CSF2RA: variants seen among roughly 807,000 people sequenced by gnomAD.
CSF2RA encodes granulocyte-macrophage colony-stimulating factor receptor subunit alpha.
A neutral mutation model predicts 51.6 loss-of-function variants in CSF2RA; 42 were observed. The ratio of observed to expected loss-of-function variants is 0.81; its 90% confidence interval spans 0.64 to 1.05. The LOEUF (loss-of-function observed/expected upper bound fraction) is 1.05. CSF2RA is among the 50% of genes least tolerant of loss of function. CSF2RA has a pLI of 0.00. For missense variants in CSF2RA, 530 were observed against 501.1 expected, an observed-to-expected ratio of 1.06 and a Z score of -0.55; for synonymous variants, 222 against 193.0, an observed-to-expected ratio of 1.15 and a Z score of -1.24.
At chrX:1,308,777 G>C (rs1392229774) in intron 12 of CSF2RA, among the ~76,000 whole-genome samples, 1 of 152,058 alleles carries the variant, frequency 6.6e-6, no homozygotes, top group Admixed American at 6.6e-5. Flanking sequence ...ACGGCTTCAG[G>C]CTTCAACCTT....
At position 1,282,671 on chromosome X, in the gene CSF2RA, C is replaced by T. The variant is rs374740585; in HGVS notation, c.-26-7C>T. 1.5e-5 allele frequency: 24 copies of T among 1,587,962 alleles called. No homozygotes were observed. The African/African-American group carries it at 2.8e-4, about 19-fold the overall frequency. Reference sequence around the variant, plus strand: ...CTTCTCACTGTGTGATATTTTCTCTCCTGCAGCTCTTCCCTTCTCTCTGAC... The same window carrying T: ...CTTCTCACTGTGTGATATTTTCTCTTCTGCAGCTCTTCCCTTCTCTCTGAC... On this transcript the variant is annotated splice_region_variant and splice_polypyrimidine_tract_variant and intron_variant, in intron 2 of 12. Transcript: ENST00000381529.
the CSF2RA span, among the ~76,000 whole-genome samples, chrX:1,319,742 T>C: frequency 2.1e-5 from 3 of 140,690 alleles, no homozygotes; most frequent in Non-Finnish European, 3.1e-5. Context: ...TTAGACAGAG[T>C]CTCACTCTGT....
chrX:1,306,608 T>C (rs1252333201), intron 12 of CSF2RA, among the ~76,000 whole-genome samples: 4 of 151,366 alleles, frequency 2.6e-5, no homozygotes, highest in African/African-American at 4.9e-5. Flanking sequence ...GATCGCACCA[T>C]TGCACTCTAA....
intron 12 of CSF2RA, among the ~76,000 whole-genome samples, chrX:1,306,975 C>T (rs762471643): frequency 2.0e-5 from 3 of 151,420 alleles, no homozygotes; most frequent in East Asian, 3.9e-4. Flanking sequence ...ACAGAGACAC[C>T]GAGAGAGACA....
downstream of CSF2RA, chrX:1,310,169 AAACT>A (rs1217610507): frequency 2.4e-5 from 5 of 209,860 alleles, no homozygotes; most frequent in South Asian, 6.3e-4. Context: ...CCTGGGTAAC[AAACT>A]AAGACCCCAT....
intron 9 of CSF2RA, 65 bp from the exon 10 acceptor site, chrX:1,300,426 A>G: frequency 1.3e-6 from 2 of 1,582,880 alleles, no homozygotes; most frequent in Non-Finnish European, 1.7e-6. Flanking sequence ...CAAAAGAACG[A>G]AAAAAGGCAA....
rs777223758 is a variant in CSF2RA, at chrX:1,292,944, CTCTCGGGCAG to C, written c.647-1383_647-1374del. 3.0e-4 allele frequency among the ~76,000 whole-genome samples: 45 copies of C among 152,276 alleles called. No individual in the cohort carries two copies. The South Asian group carries it at 8.9e-3, about 30-fold the overall frequency. ...GGAACCCTCAGACAATACCCGGGCT[CTCTCGGGCAG>C]AGGTCCCTGCGGCTTTCCGCAGTGC... On this transcript the variant is annotated intron_variant, in intron 7 of 12. Coordinates refer to ENST00000381529, the MANE Select transcript of CSF2RA (RefSeq NM_172245.4).
At chrX:1,324,376 AGAAAGAAAGAAGGAAGG>A in the CSF2RA span, among the ~76,000 whole-genome samples, 1 of 147,868 alleles carries the variant, frequency 6.8e-6, no homozygotes, top group Admixed American at 6.9e-5. Context: ...GGAAAGAAAG[AGAAAGAAAGAAGGAAGG>A]AAGGAAAAAG....
intron 4 of CSF2RA, among the ~76,000 whole-genome samples, chrX:1,286,378 G>T (rs1310889063): frequency 2.6e-5 from 4 of 152,064 alleles, no homozygotes; most frequent in Non-Finnish European, 5.9e-5. Flanking sequence ...AGACCAGGCT[G>T]ACCAACATGG....
chrX:1,292,410 G>A (rs2091493588), intron 7 of CSF2RA, among the ~76,000 whole-genome samples: 1 of 152,124 alleles, frequency 6.6e-6, no homozygotes, highest in South Asian at 2.1e-4. Context: ...GGGGACCGGC[G>A]CTCAGCATAC....
intron 3 of CSF2RA, among the ~76,000 whole-genome samples, chrX:1,283,000 G>C (rs185309429): frequency 6.6e-6 from 1 of 152,084 alleles, no homozygotes; most frequent in Non-Finnish European, 1.5e-5. Context: ...ATGAGAAAAC[G>C]GAGGCTCAGA....
the CSF2RA span, among the ~76,000 whole-genome samples, chrX:1,316,199 A>G: frequency 0.48 from 71,953 of 149,142 alleles, 17,362 homozygotes; most frequent in East Asian, 0.71. Context: ...ACACATAGAC[A>G]GATACATAGA....
intron 2 of CSF2RA, among the ~76,000 whole-genome samples, chrX:1,279,002 A>C (rs750887026): frequency 2.0e-5 from 3 of 151,528 alleles, no homozygotes; most frequent in African/African-American, 7.3e-5. Flanking sequence ...GCGCCACTGT[A>C]CTCCAGCCTG....
chrX:1,288,549 C>T lies in CSF2RA; in HGVS notation c.250C>T (p.Arg84Cys), dbSNP rs758063598. 2.6e-5 allele frequency: 42 copies of T among 1,613,784 alleles called. No individual in the cohort carries two copies. The East Asian group carries it at 4.9e-4, about 19-fold the overall frequency. ...TAACAACGAATGTTCGTGCACATTT[C>T]GTGAAATTTGTCTGCATGAAGGAGT... ...LSNNECSCTF[R>C]EICLHEGVTF... The change falls in exon 5 of 13, where the codon CGT becomes TGT. Residue 84 changes from arginine to cysteine, a missense_variant. Physicochemically the swap from Arg to Cys is radical, Grantham distance 180 (BLOSUM62 -3). Coordinates refer to ENST00000381529, the MANE Select transcript of CSF2RA (RefSeq NM_172245.4).
At chrX:1,294,898 G>A (rs1336209106) in intron 8 of CSF2RA, among the ~76,000 whole-genome samples, 4 of 119,632 alleles carry the variant, frequency 3.3e-5, no homozygotes, top group Non-Finnish European at 7.4e-5. Flanking sequence ...CACCTCCATG[G>A]AGACCCAGTG....
chrX:1,311,206 G>A (rs1273453983), downstream of CSF2RA, among the ~76,000 whole-genome samples: 4 of 150,558 alleles, frequency 2.7e-5, no homozygotes, highest in African/African-American at 4.9e-5. Context: ...CCAAGATCAC[G>A]CCATTGCACT....
At chrX:1,274,646 C>A in intron 1 of CSF2RA, 109 bp from the exon 2 acceptor site, 1 of 373,162 alleles carries the variant, frequency 2.7e-6, no homozygotes, top group South Asian at 1.6e-5. Context: ...TTTTTAAAAC[C>A]TTTGTAGTAC....
chrX:1,306,014 G>A (rs1422596067), intron 12 of CSF2RA: 16 of 515,490 alleles, frequency 3.1e-5, no homozygotes, highest in East Asian at 3.5e-5. Flanking sequence ...CCCAGGGGGC[G>A]GAGGTTGCAG....
chrX:1,298,825 C>G (rs1482953108), intron 9 of CSF2RA, among the ~76,000 whole-genome samples: 1 of 152,022 alleles, frequency 6.6e-6, no homozygotes, highest in Non-Finnish European at 1.5e-5. Flanking sequence ...CAGGAGGAGA[C>G]CCCACCTCAC....
Sources: allele counts gnomAD v4.1 joint callset (sites outside exome capture counted in the v4.1 genomes callset), GRCh38; gene constraint gnomAD v4.1.1; transcripts MANE v1.5; gene names NCBI Gene and HGNC (gene_info 2026-07-23, HGNC 2026-07-21).